SCAND3: variants seen among roughly 807,000 people sequenced by gnomAD.
The protein encoded by SCAND3 is SCAN domain containing 3.
At chr6:28,595,195 C>CAAAAAAAAAAAAAA in the SCAND3 span, among the ~76,000 whole-genome samples, 2 of 16,118 alleles carry the variant, frequency 1.2e-4, no homozygotes, top group African/African-American at 3.7e-4. Flanking sequence ...CCGTCACTAC[C>CAAAAAAAAAAAAAA]AAAAAAAAAA....
the SCAND3 span, among the ~76,000 whole-genome samples, chr6:28,583,138 T>A: frequency 2.9e-4 from 44 of 150,946 alleles, no homozygotes; most frequent in Admixed American, 2.0e-3. Context: ...CACGCCTGTA[T>A]TCCCAACACT....
the SCAND3 span, among the ~76,000 whole-genome samples, chr6:28,595,367 A>G: frequency 6.6e-6 from 1 of 150,414 alleles, no homozygotes; most frequent in African/African-American, 2.4e-5. Context: ...AAGAAGAAGA[A>G]GAAGAAGAGG....
chr6:28,575,465 G>C, the SCAND3 span: 1 of 1,613,602 alleles, frequency 6.2e-7, no homozygotes, highest in Non-Finnish European at 8.5e-7. The surrounding 1 kb of genome is among the most constrained non-coding windows in gnomAD (Gnocchi z 4.2). Context: ...ACTTCCGTAG[G>C]CCTTTTAGAC....
chr6:28,575,917 G>A, the SCAND3 span: 9 of 1,613,708 alleles, frequency 5.6e-6, no homozygotes, highest in South Asian at 2.2e-5. This position sits in a 1 kb window ranked among gnomAD's most constrained non-coding sequence, Gnocchi z 4.2. Flanking sequence ...TTCCTTTTTC[G>A]CCTTAGCTTT....
At chr6:28,587,312 G>A in the SCAND3 span, 31 of 152,692 alleles carry the variant, frequency 2.0e-4, no homozygotes, top group African/African-American at 6.7e-4. Context: ...CGTAGGTTCC[G>A]GCCGGGCCCG....
the SCAND3 span, chr6:28,573,113 C>T: frequency 6.2e-7 from 1 of 1,609,086 alleles, no homozygotes; most frequent in Non-Finnish European, 8.5e-7. Context: ...TCCTTTATAT[C>T]ATCATCATGT....
chr6:28,593,086 A>G, the SCAND3 span, among the ~76,000 whole-genome samples: 2 of 152,074 alleles, frequency 1.3e-5, no homozygotes, highest in Non-Finnish European at 2.9e-5. Flanking sequence ...CAAACTAACA[A>G]GTTTCTGCAC....
the SCAND3 span, among the ~76,000 whole-genome samples, chr6:28,604,545 C>T: frequency 5.3e-5 from 8 of 150,292 alleles, no homozygotes; most frequent in South Asian, 2.1e-4. Flanking sequence ...GAGCCCGGGA[C>T]GCAGAGGTTG....
chr6:28,580,592 T>C, the SCAND3 span, among the ~76,000 whole-genome samples: 3 of 152,252 alleles, frequency 2.0e-5, no homozygotes, highest in Non-Finnish European at 4.4e-5. Context: ...CTTTGTATAA[T>C]ATAATAGCAT....
At chr6:28,592,351 A>C in the SCAND3 span, among the ~76,000 whole-genome samples, 2 of 152,194 alleles carry the variant, frequency 1.3e-5, no homozygotes, top group Non-Finnish European at 2.9e-5. The surrounding 1 kb of genome is among the most constrained non-coding windows in gnomAD (Gnocchi z 4.1). Flanking sequence ...ACAAAAACAA[A>C]ATAAAATACT....
the SCAND3 span, chr6:28,615,998 C>T: frequency 1.3e-5 from 2 of 152,130 alleles, no homozygotes; most frequent in African/African-American, 4.8e-5. Context: ...TAAAAGTTTT[C>T]GGGGAAGCTG....
the SCAND3 span, among the ~76,000 whole-genome samples, chr6:28,611,142 T>G: frequency 1.2e-4 from 18 of 152,174 alleles, no homozygotes; most frequent in Admixed American, 1.1e-3. Context: ...TGCATTCATC[T>G]CTCCCTTTAT....
chr6:28,597,136 C>T, the SCAND3 span, among the ~76,000 whole-genome samples: 7 of 152,168 alleles, frequency 4.6e-5, no homozygotes, highest in African/African-American at 1.4e-4. Flanking sequence ...ATTTAACTTA[C>T]AAGTATGATC....
the SCAND3 span, chr6:28,575,902 A>G: frequency 1.9e-6 from 3 of 1,614,024 alleles, no homozygotes; most frequent in South Asian, 2.2e-5. This position sits in a 1 kb window ranked among gnomAD's most constrained non-coding sequence, Gnocchi z 4.2. Context: ...ACGGTAGTCA[A>G]CTGATTCCTT....
the SCAND3 span, chr6:28,590,571 T>C: frequency 6.6e-6 from 1 of 152,174 alleles, no homozygotes; most frequent in Non-Finnish European, 1.5e-5. Flanking sequence ...AGAACTAAAT[T>C]AGAAACAAGT....
chr6:28,576,198 T>C, the SCAND3 span: 3 of 1,329,476 alleles, frequency 2.3e-6, no homozygotes, highest in South Asian at 4.5e-5. Flanking sequence ...AGACATATAT[T>C]GCCAAAGGAG....
At chr6:28,607,114 T>C in the SCAND3 span, among the ~76,000 whole-genome samples, 1 of 152,220 alleles carries the variant, frequency 6.6e-6, no homozygotes, top group African/African-American at 2.4e-5. Context: ...GAAATACTGA[T>C]TATAAATCAT....
At chr6:28,587,941 T>A in the SCAND3 span, 1 of 152,278 alleles carries the variant, frequency 6.6e-6, no homozygotes, top group East Asian at 1.9e-4. Flanking sequence ...AAGCAGTCAC[T>A]GGGTTCCTCC....
the SCAND3 span, among the ~76,000 whole-genome samples, chr6:28,588,909 T>A: frequency 6.6e-6 from 1 of 152,222 alleles, no homozygotes; most frequent in Admixed American, 6.5e-5. This position sits in a 1 kb window ranked among gnomAD's most constrained non-coding sequence, Gnocchi z 4.1. Flanking sequence ...CCTTGCGCTG[T>A]GCTTTCCAAG....
Sources: gnomAD v4.1 joint callset for allele counts (sites outside exome capture counted in the v4.1 genomes callset) on GRCh38, gnomAD v4.1.1 for gene constraint, Gnocchi (gnomAD v3.1) non-coding constraint, MANE v1.5 for transcripts, NCBI Gene and HGNC (gene_info 2026-07-23, HGNC 2026-07-21) for gene names.